The following NCKAP1L variants were observed in gnomAD, a reference collection of about 807,000 sequenced individuals.
The protein encoded by NCKAP1L is NCK associated protein 1 like, also known as nck-associated protein 1-like.
A neutral mutation model predicts 139.2 loss-of-function variants in NCKAP1L; 53 were observed. The ratio of observed to expected loss-of-function variants is 0.38; its 90% CI spans 0.31 to 0.48. The LOEUF (loss-of-function observed/expected upper bound fraction) is 0.48, where lower values mean the gene tolerates loss of function less well. Among genes scored for constraint, NCKAP1L ranks in the 20% least tolerant of loss-of-function variants. The pLI is 0.98. For synonymous variants in NCKAP1L, 468 were observed against 499.7 expected, an observed-to-expected ratio of 0.94 and a Z score of 0.85; for missense variants, 1,151 against 1,381.9, an observed-to-expected ratio of 0.83 and a Z score of 2.65.
chr12:54,531,907 G>A, intron 25 of NCKAP1L, 82 bp downstream of exon 25: 4 of 1,214,888 alleles, frequency 3.3e-6, no homozygotes, highest in Non-Finnish European at 2.4e-6. Flanking sequence ...TGGAAGTATT[G>A]CGGGAATCAG....
At chr12:54,509,545 T>G in intron 5 of NCKAP1L, 124 bp from the exon 6 acceptor site, 1 of 701,722 alleles carries the variant, frequency 1.4e-6, no homozygotes, top group East Asian at 2.5e-5. Flanking sequence ...CAGTGTAGTA[T>G]GTATATCTTT....
At chr12:54,528,474 AG>A in intron 22 of NCKAP1L, 97 bp downstream of exon 22, 6 of 1,469,820 alleles carry the variant, frequency 4.1e-6, no homozygotes. Context: ...TTGGTGCAAA[AG>A]TAATTTTTGC....
rs1292188757 is a variant in NCKAP1L, at chr12:54,542,501, T to G, written c.3274-74T>G. 2.7e-6 allele frequency: 3 copies of G among 1,107,030 alleles called. No homozygotes were observed. In the African/African-American group the frequency reaches 4.6e-5, roughly 17 times the overall value. 68.6% of individuals were successfully genotyped at this position (1,107,030 alleles called of 1,614,324 possible). ...TCAGGGCCTCAGAGGGCCTGGGAACTATGCAAAAGGAACAGGGTATCACAG... is the reference window on the plus strand; with the variant it reads ...TCAGGGCCTCAGAGGGCCTGGGAACGATGCAAAAGGAACAGGGTATCACAG... On this transcript the variant is annotated intron_variant, in intron 30 of 30. Transcript: ENST00000293373.
intron 26 of NCKAP1L, among the ~76,000 whole-genome samples, chr12:54,533,811 C>T (rs1479231094): frequency 6.6e-6 from 1 of 152,206 alleles, no homozygotes; most frequent in African/African-American, 2.4e-5. Flanking sequence ...CTCAAGTGAT[C>T]CGCCCACCTT....
rs761983556 is a variant in NCKAP1L, at chr12:54,536,243, A to G, written c.3071A>G (p.Asp1024Gly). Residue 1024 changes from aspartate to glycine, a missense_variant and splice_region_variant, in exon 28 of 31, where the codon GAT becomes GGT. Coordinates refer to ENST00000293373, the MANE Select transcript of NCKAP1L (RefSeq NM_005337.5). ...DPSSFYSIEKDGYNNNIHCLT... is the reference protein window; with the variant it reads ...DPSSFYSIEKGGYNNNIHCLT... ...TCTTCCTTTTATAGCATTGAGAAGGATGGTAAGTAAGGGGTAGGTTTGAGA... is the reference window on the plus strand; with the variant it reads ...TCTTCCTTTTATAGCATTGAGAAGGGTGGTAAGTAAGGGGTAGGTTTGAGA... The G allele has an allele frequency of 1.2e-6, 2 of 1,603,252 alleles. No homozygotes were observed. Among genetic ancestry groups the G allele is most frequent in the Non-Finnish European group, 1.7e-6 (2 of 1,171,098 alleles).
intron 20 of NCKAP1L, among the ~76,000 whole-genome samples, chr12:54,525,497 AG>A (rs1053061544): frequency 6.6e-6 from 1 of 152,182 alleles, no homozygotes; most frequent in Non-Finnish European, 1.5e-5. Flanking sequence ...GGTGGTTTCC[AG>A]GCCCTGGAGC....
chr12:54,541,304 C>A (rs1273048789), intron 30 of NCKAP1L, among the ~76,000 whole-genome samples: 5 of 152,210 alleles, frequency 3.3e-5, no homozygotes, highest in African/African-American at 1.2e-4. Context: ...GTTTCTTGGC[C>A]ATCACTCTAG....
intron 1 of NCKAP1L, 95 bp downstream of exon 1, chr12:54,497,986 TTTTTCCACTGC>T (rs1209129255): frequency 3.0e-5 from 22 of 728,216 alleles, no homozygotes; most frequent in Non-Finnish European, 4.7e-5. Flanking sequence ...CTCCCACCTT[TTTTTCCACTGC>T]TTTTCCACTG....
chr12:54,536,618 A>G (rs1280659414), intron 28 of NCKAP1L: 3 of 313,070 alleles, frequency 9.6e-6, no homozygotes, highest in Non-Finnish European at 1.8e-5. Context: ...TGATTGCGCC[A>G]CTGCACTCCA....
rs989959627 is a variant in NCKAP1L at position 54,511,354 on chromosome 12, C to A, written c.736-449C>A. ...ATCACCTCCATTATTGGCAGGCTTC[C>A]CTGCTGTTGGTTTATCAATGTGCCC... On this transcript the variant is annotated intron_variant, in intron 7 of 30. Coordinates refer to ENST00000293373, the MANE Select transcript of NCKAP1L (RefSeq NM_005337.5). Among the ~76,000 whole-genome samples, 12 of 152,196 alleles carry A rather than the reference C, an allele frequency of 7.9e-5. No homozygotes were observed. The East Asian group carries it at 2.3e-3, about 29-fold the overall frequency.
At position 54,512,792 on chromosome 12, in the gene NCKAP1L, A is replaced by AAT. The variant is rs1191087239; in HGVS notation, c.941+687_941+688insAT. Reference sequence around the variant, plus strand: ...TGTGTGTGTGTGTGTGTGTGTGTGTATGTGTGAGTAATTGTGTGTGTGTGT... The same window carrying AAT: ...TGTGTGTGTGTGTGTGTGTGTGTGTAATTGTGTGAGTAATTGTGTGTGTGTGT... On this transcript the variant is annotated intron_variant, in intron 9 of 30. Transcript: ENST00000293373. 6.6e-3 allele frequency among the ~76,000 whole-genome samples: 867 copies of AAT among 131,828 alleles called. 11 individuals are homozygous for AAT. The highest frequency in any genetic ancestry group is 0.024 in the African/African-American group (819 of 34,588). The allele number at this position is 131,828 out of a possible 152,430, so 86.5% of individuals were successfully genotyped here. A position where few individuals can be genotyped will look rare whatever the true frequency, so the allele number is the denominator to read the frequency against.
intron 17 of NCKAP1L, 66 bp from the exon 18 acceptor site, chr12:54,521,053 G>C: frequency 6.2e-7 from 1 of 1,607,612 alleles, no homozygotes; most frequent in East Asian, 2.2e-5. Flanking sequence ...GATGAGAGCA[G>C]TATTGTGAGG....
chr12:54,531,433 A>G (rs766203305), intron 23 of NCKAP1L, 58 bp from the exon 24 acceptor site: 10 of 1,605,922 alleles, frequency 6.2e-6, no homozygotes, highest in African/African-American at 4.0e-5. Context: ...CTGGGGGGGA[A>G]GATGTAACAT....
chr12:54,499,453 C>G lies in NCKAP1L; in HGVS notation c.201C>G (p.Val67=), dbSNP rs1276202009. 1.3e-6 allele frequency: 2 copies of G among 1,573,546 alleles called. No individual in the cohort carries two copies. Among genetic ancestry groups the G allele is most frequent in the Non-Finnish European group, 1.7e-6 (2 of 1,143,122 alleles). Residue 67 remains valine, a synonymous_variant, in exon 2 of 31, where the codon GTC becomes GTG. Transcript: ENST00000293373. ...ACAAGAAATTTCCCAACATAGATGT[C>G]CGAAACAGCACGGTGAGAACTTGGT... ...YINKKFPNID[V]RNSTQHLGPV...
At chr12:54,531,388 A>T (rs1337771920) in intron 23 of NCKAP1L, 31 bp downstream of exon 23, 1 of 1,611,914 alleles carries the variant, frequency 6.2e-7, no homozygotes, top group Non-Finnish European at 8.5e-7. Flanking sequence ...TGGGGAAAAG[A>T]TCCTACCTTG....
chr12:54,542,632 G>A lies in NCKAP1L; in HGVS notation c.3331G>A (p.Val1111Ile). The A allele has an allele frequency of 6.2e-7, 1 of 1,614,162 alleles. No individual in the cohort carries two copies. The highest frequency in any genetic ancestry group is 8.5e-7 in the Non-Finnish European group (1 of 1,180,034). The change falls in exon 31 of 31, where the codon GTC (valine) becomes ATC (isoleucine). Residue 1111 changes from valine (V) to isoleucine (I), a missense_variant. Val to Ile is a conservative substitution (Grantham distance 29). Coordinates refer to ENST00000293373, the MANE Select transcript of NCKAP1L (RefSeq NM_005337.5). Reference sequence around the variant, plus strand: ...CATGCTGGAGTCCTGTTTCCCTTATGTCCTGCTTCGAAATGCCTATCGGGA... The same window carrying A: ...CATGCTGGAGTCCTGTTTCCCTTATATCCTGCTTCGAAATGCCTATCGGGA... ...LDMLESCFPY[V>I]LLRNAYREVS...
intron 30 of NCKAP1L, among the ~76,000 whole-genome samples, chr12:54,540,288 A>G (rs911445645): frequency 6.6e-6 from 1 of 152,180 alleles, no homozygotes; most frequent in African/African-American, 2.4e-5. Flanking sequence ...ACTGAGTGAT[A>G]TTTATGCCTT....
chr12:54,526,756 G>A lies in NCKAP1L; in HGVS notation c.2375+10G>A, dbSNP rs747843025. 5.0e-6 allele frequency: 8 copies of A among 1,609,512 alleles called. No individual in the cohort carries two copies. The highest frequency in any genetic ancestry group is 5.9e-6 in the Non-Finnish European group (7 of 1,176,792). ...CACTCTACACAAACTGGTCAGTGTT[G>A]CTTAGGCTTTTCCACTGCCTTACTT... On this transcript the variant is annotated intron_variant, in intron 21 of 30. Transcript: ENST00000293373.
At chr12:54,523,736 C>G in intron 19 of NCKAP1L, 89 bp from the exon 20 acceptor site, 2 of 1,524,432 alleles carry the variant, frequency 1.3e-6, no homozygotes, top group South Asian at 2.6e-5. Context: ...CTGAGTATCC[C>G]TAGAAACTGG....
Sources: allele counts gnomAD v4.1 joint callset (sites outside exome capture counted in the v4.1 genomes callset), GRCh38; gene constraint gnomAD v4.1.1; transcripts MANE v1.5; gene names NCBI Gene and HGNC (gene_info 2026-07-23, HGNC 2026-07-21).